DIDO1: variants seen among roughly 807,000 people sequenced by gnomAD.
The protein encoded by DIDO1 is death-inducer obliterator 1.
A neutral mutation model predicts 99.4 loss-of-function variants in DIDO1; 16 were observed. The ratio of observed to expected loss-of-function variants is 0.16; its 90% confidence interval spans 0.11 to 0.24. The LOEUF (loss-of-function observed/expected upper bound fraction) is 0.24, where lower values mean the gene tolerates loss of function less well. DIDO1 is among the 10% of genes least tolerant of loss of function. DIDO1 has a pLI of 1.00. For missense variants in DIDO1, 2,996 were observed against 3,014.0 expected, an observed-to-expected ratio of 0.99 and a Z score of 0.14; for synonymous variants, 1,366 against 1,239.1, an observed-to-expected ratio of 1.10 and a Z score of -2.15.
At chr20:62,916,757 T>C (rs535535360) in intron 1 of DIDO1, among the ~76,000 whole-genome samples, 1 of 152,218 alleles carries the variant, frequency 6.6e-6, no homozygotes, top group Non-Finnish European at 1.5e-5. Flanking sequence ...GTCTTTAGAA[T>C]GGAGTATTGT....
intron 15 of DIDO1, chr20:62,888,736 G>C: frequency 1.0e-6 from 1 of 985,466 alleles, no homozygotes. Flanking sequence ...TTTATATCTA[G>C]AAAACGCCAA....
At position 62,932,350 on chromosome 20, in the gene DIDO1, G is replaced by A. The variant is rs534705780; in HGVS notation, c.-200+5446C>T. Among the ~76,000 whole-genome samples the A allele has an allele frequency of 8.5e-5, 13 of 152,336 alleles. No homozygotes were observed. The South Asian group carries it at 2.7e-3, about 32-fold the overall frequency. On this transcript the variant is annotated intron_variant, in intron 1 of 15. Transcript: ENST00000266070. The stretch of plus-strand genomic sequence containing the variant: ...CTACTTCTACCTGCCCATCAGACAC[G>A]TGATCACAACAGCTGCATGCATACA...
At chr20:62,937,866 A>G (rs2065409665) in exon 1 of DIDO1, 2 of 398,494 alleles carry the variant, frequency 5.0e-6, no homozygotes, top group Non-Finnish European at 8.9e-6. Context: ...CCTCCGCAGC[A>G]GCCATCTTGC....
chr20:62,918,995 G>A (rs754334371), intron 1 of DIDO1, among the ~76,000 whole-genome samples: 27 of 152,074 alleles, frequency 1.8e-4, no homozygotes, highest in Non-Finnish European at 3.1e-4. Flanking sequence ...CCCCAAATGC[G>A]ACGTGTTCTC....
At chr20:62,922,736 AG>A (rs1477028133) in intron 1 of DIDO1, among the ~76,000 whole-genome samples, 1 of 152,212 alleles carries the variant, frequency 6.6e-6, no homozygotes, top group Non-Finnish European at 1.5e-5. Flanking sequence ...TGTGCTGGCG[AG>A]GGCTTGGAGA....
At chr20:62,888,759 G>A (rs2064342100) in intron 15 of DIDO1, 1 of 985,372 alleles carries the variant, frequency 1.0e-6, no homozygotes, top group African/African-American at 1.7e-5. Flanking sequence ...CAAGTAATCA[G>A]TACGTGAAGC....
chr20:62,899,348 G>A (rs961046113), intron 6 of DIDO1, among the ~76,000 whole-genome samples: 21 of 152,222 alleles, frequency 1.4e-4, no homozygotes, highest in African/African-American at 3.9e-4. Flanking sequence ...TGACCTGAAC[G>A]GTATCTTTAA....
At position 62,907,038 on chromosome 20, in the gene DIDO1, G is replaced by A. The variant is rs1022837395; in HGVS notation, c.1374+109C>T. On this transcript the variant is annotated intron_variant, in intron 5 of 15. Coordinates refer to ENST00000395343, the MANE Select transcript of DIDO1 (RefSeq NM_001193369.2). ...AAGGTCAAGGCGACACCACGTGTGC[G>A]CCCCCCTACACCTGCCACCCCCACA... is the stretch of plus-strand genomic sequence containing the variant. 8.1e-6 allele frequency: 9 copies of A among 1,112,742 alleles called. No homozygotes were observed. In the East Asian group the frequency reaches 9.4e-5, roughly 12 times the overall value. The allele number at this position is 1,112,742 out of a possible 1,614,324, so 68.9% of individuals were successfully genotyped here. A position where few individuals can be genotyped will look rare whatever the true frequency, so the allele number is the denominator to read the frequency against.
intron 1 of DIDO1, among the ~76,000 whole-genome samples, chr20:62,914,935 C>G (rs752513518): frequency 6.6e-6 from 1 of 152,206 alleles, no homozygotes; most frequent in Non-Finnish European, 1.5e-5. Context: ...AAAATCAACA[C>G]GATACAGTTC....
upstream of DIDO1, among the ~76,000 whole-genome samples, chr20:62,929,692 A>AAAAAAAAAAAAAAAAAAAAT: frequency 1.6e-5 from 1 of 63,710 alleles, no homozygotes; most frequent in African/African-American, 7.6e-5. Flanking sequence ...AAAAAGAAAA[A>AAAAAAAAAAAAAAAAAAAAT]GTGTATATAT....
At chr20:62,932,901 C>G (rs2065345379) in intron 1 of DIDO1, among the ~76,000 whole-genome samples, 1 of 152,176 alleles carries the variant, frequency 6.6e-6, no homozygotes, top group South Asian at 2.1e-4. Context: ...CTGGGTTCAC[C>G]AGACACATGG....
chr20:62,936,024 C>T (rs905956567), intron 1 of DIDO1, among the ~76,000 whole-genome samples: 58 of 152,248 alleles, frequency 3.8e-4, no homozygotes, highest in African/African-American at 1.4e-3. Flanking sequence ...CAGGCAGGCA[C>T]TGAGACAGCC....
intron 1 of DIDO1, among the ~76,000 whole-genome samples, chr20:62,925,310 G>A (rs2065231091): frequency 6.6e-6 from 1 of 152,234 alleles, no homozygotes; most frequent in African/African-American, 2.4e-5. Context: ...TTTAAAAAAA[G>A]ACTGTATTTA....
chr20:62,905,929 G>T lies in DIDO1; in HGVS notation c.1546C>A (p.Pro516Thr). 6.2e-7 allele frequency: 1 copy of T among 1,614,010 alleles called. No homozygotes were observed. Among genetic ancestry groups the T allele is most frequent in the South Asian group, 1.1e-5 (1 of 91,058 alleles). ...GGCGAGGGAGCAGCAGTCTTTTCTGGCTTTACTGCATTGTAATTGTGATCG... is the reference window on the plus strand; with the variant it reads ...GGCGAGGGAGCAGCAGTCTTTTCTGTCTTTACTGCATTGTAATTGTGATCG... ...ASDHNYNAVK[P>T]EKTAAPSPSL... is the part of the protein sequence containing the mutation. Residue 516 changes from proline to threonine, a missense_variant, in exon 6 of 16, where the codon CCA (proline) becomes ACA (threonine). Pro to Thr is a conservative substitution (Grantham distance 38). Transcript: ENST00000395343.
At chr20:62,888,491 G>A (rs1254727963) in intron 15 of DIDO1, 2 of 985,412 alleles carry the variant, frequency 2.0e-6, no homozygotes, top group African/African-American at 1.7e-5. Context: ...TTCTGGGGGC[G>A]TGACTCCAAG....
At chr20:62,904,807 A>AAAAAAAAAT (rs1568859998) in intron 6 of DIDO1, among the ~76,000 whole-genome samples, 1 of 141,706 alleles carries the variant, frequency 7.1e-6, no homozygotes, top group African/African-American at 2.7e-5. Flanking sequence ...AAAAAAAAAA[A>AAAAAAAAAT]GTGTCTTTTT....
intron 1 of DIDO1, among the ~76,000 whole-genome samples, chr20:62,919,558 AG>A (rs1385515334): frequency 2.6e-5 from 4 of 152,070 alleles, no homozygotes; most frequent in Non-Finnish European, 4.4e-5. Context: ...AAAAAAAAAA[AG>A]CAGCAAGGGT....
intron 4 of DIDO1, 132 bp from the exon 5 acceptor site, chr20:62,907,491 TA>T: frequency 1.2e-6 from 1 of 857,224 alleles, no homozygotes; most frequent in Non-Finnish European, 1.8e-6. Context: ...GTACTTTTAA[TA>T]TGAATAAACA....
intron 4 of DIDO1, among the ~76,000 whole-genome samples, chr20:62,907,992 T>C (rs60749752): frequency 0.018 from 2,689 of 152,244 alleles, 88 homozygotes; most frequent in African/African-American, 0.062. Flanking sequence ...ACTTTTTTTT[T>C]TGTTTGAGAC....
Sources: gnomAD v4.1 joint callset for allele counts (sites outside exome capture counted in the v4.1 genomes callset) on GRCh38, gnomAD v4.1.1 for gene constraint, MANE v1.5 for transcripts, NCBI Gene and HGNC (gene_info 2026-07-23, HGNC 2026-07-21) for gene names.